CTIF: variants seen among roughly 807,000 people sequenced by gnomAD.
CTIF encodes cap binding complex dependent translation initiation factor.
Under a neutral mutation model 66.0 loss-of-function variants are expected in CTIF, and 21 were observed. That is an observed-to-expected ratio of 0.32 (90% CI 0.23 to 0.46). The LOEUF (loss-of-function observed/expected upper bound fraction) is 0.46. Ranked by LOEUF, CTIF falls within the 20% of genes least tolerant of loss-of-function variation. The pLI, the probability that CTIF is intolerant of heterozygous loss-of-function variation, is 1.00. For missense variants in CTIF, 739 were observed against 812.7 expected, an observed-to-expected ratio of 0.91 and a Z score of 1.10; for synonymous variants, 345 against 326.4, an observed-to-expected ratio of 1.06 and a Z score of -0.62.
At chr18:48,782,207 T>C (rs1911300395) in intron 9 of CTIF, among the ~76,000 whole-genome samples, 2 of 151,718 alleles carry the variant, frequency 1.3e-5, no homozygotes, top group Admixed American at 1.3e-4. Context: ...TGGGGGTGTT[T>C]GGTCATGGGC....
At chr18:48,711,232 A>G (rs2092219718) in intron 6 of CTIF, among the ~76,000 whole-genome samples, 1 of 152,166 alleles carries the variant, frequency 6.6e-6, no homozygotes, top group African/African-American at 2.4e-5. Flanking sequence ...TAGAGAAGTA[A>G]CTTGTCCTGG....
intron 3 of CTIF, among the ~76,000 whole-genome samples, chr18:48,651,257 G>A (rs375185323): frequency 3.9e-5 from 6 of 152,268 alleles, no homozygotes; most frequent in African/African-American, 1.2e-4. Flanking sequence ...CCCATCTCAC[G>A]TGCAGAGACA....
intron 3 of CTIF, among the ~76,000 whole-genome samples, chr18:48,637,172 C>G (rs1024727499): frequency 6.6e-6 from 1 of 152,180 alleles, no homozygotes; most frequent in Admixed American, 6.5e-5. Context: ...TGTCAGAGAC[C>G]TGTCCATCCC....
At chr18:48,623,338 T>TTCAA (rs2090531559) in intron 2 of CTIF, among the ~76,000 whole-genome samples, 1 of 152,176 alleles carries the variant, frequency 6.6e-6, no homozygotes, top group Admixed American at 6.5e-5. Flanking sequence ...GGGAGGATGT[T>TTCAA]TCAATCCTGC....
chr18:48,618,721 A>T (rs2090439925), intron 1 of CTIF, among the ~76,000 whole-genome samples: 1 of 152,202 alleles, frequency 6.6e-6, no homozygotes, highest in African/African-American at 2.4e-5. Flanking sequence ...TCAGCTCCAG[A>T]GATTGCAGTT....
intron 6 of CTIF, among the ~76,000 whole-genome samples, chr18:48,696,136 A>G (rs1336703613): frequency 6.6e-6 from 1 of 152,244 alleles, no homozygotes; most frequent in Non-Finnish European, 1.5e-5. Flanking sequence ...AGCATCTGCA[A>G]CGTGTAAGAT....
At chr18:48,759,314 G>A (rs1159548037) in intron 8 of CTIF, among the ~76,000 whole-genome samples, 1 of 152,132 alleles carries the variant, frequency 6.6e-6, no homozygotes, top group East Asian at 1.9e-4. Flanking sequence ...GGCTTCCGCA[G>A]AGCTCCATGT....
intron 10 of CTIF, among the ~76,000 whole-genome samples, chr18:48,835,926 G>A (rs1024548229): frequency 1.3e-5 from 2 of 151,968 alleles, no homozygotes; most frequent in African/African-American, 4.8e-5. Flanking sequence ...CATCCAAAGG[G>A]GGCTCCCTCC....
chr18:48,660,966 C>T (rs1490661044), intron 3 of CTIF, among the ~76,000 whole-genome samples: 1 of 152,198 alleles, frequency 6.6e-6, no homozygotes, highest in African/African-American at 2.4e-5. Flanking sequence ...GATCCTAGGA[C>T]GGTAAATCAT....
intron 9 of CTIF, among the ~76,000 whole-genome samples, chr18:48,784,048 T>A (rs528061784): frequency 6.6e-6 from 1 of 152,220 alleles, no homozygotes; most frequent in Non-Finnish European, 1.5e-5. Flanking sequence ...GCTGAGCATG[T>A]GCTGTGTTCC....
At chr18:48,565,327 G>C (rs1270726554) in intron 1 of CTIF, 1 of 152,124 alleles carries the variant, frequency 6.6e-6, no homozygotes, top group Non-Finnish European at 1.5e-5. Context: ...CCTTCTACAG[G>C]AAACAGCTGA....
chr18:48,670,837 G>T, intron 6 of CTIF, 93 bp downstream of exon 6: 1 of 1,106,694 alleles, frequency 9.0e-7, no homozygotes, highest in Admixed American at 1.8e-5. Context: ...CACTCCTTCT[G>T]GCTGCTTGTT....
intron 1 of CTIF, among the ~76,000 whole-genome samples, chr18:48,560,290 G>C (rs1201272698): frequency 2.0e-5 from 3 of 147,428 alleles, no homozygotes; most frequent in Non-Finnish European, 4.5e-5. Flanking sequence ...GAAGTGGTGT[G>C]ATCTCGGCTC....
chr18:48,759,202 G>A (rs983643671), intron 8 of CTIF, among the ~76,000 whole-genome samples: 3 of 152,194 alleles, frequency 2.0e-5, no homozygotes, highest in African/African-American at 7.2e-5. Flanking sequence ...GCCCAGCAGG[G>A]GCACAGGAAA....
intron 8 of CTIF, among the ~76,000 whole-genome samples, chr18:48,759,924 C>T (rs1908794868): frequency 6.6e-6 from 1 of 152,162 alleles, no homozygotes; most frequent in African/African-American, 2.4e-5. Flanking sequence ...TGGGTCACTC[C>T]CCACTCTGCT....
At chr18:48,587,195 C>T (rs1454985790) in intron 1 of CTIF, among the ~76,000 whole-genome samples, 2 of 151,822 alleles carry the variant, frequency 1.3e-5, no homozygotes, top group Non-Finnish European at 2.9e-5. Context: ...GATTCTCCTG[C>T]CTCAGCCTCC....
chr18:48,807,353 G>A (rs62103295), intron 9 of CTIF, among the ~76,000 whole-genome samples: 21,705 of 152,014 alleles, frequency 0.14, 1,914 homozygotes, highest in African/African-American at 0.25. Flanking sequence ...CATTCACAGA[G>A]AATCAGAAAT....
chr18:48,708,465 C>T (rs2092186539), intron 6 of CTIF, among the ~76,000 whole-genome samples: 1 of 152,178 alleles, frequency 6.6e-6, no homozygotes, highest in African/African-American at 2.4e-5. Flanking sequence ...ACAGTGCCCC[C>T]CATTGCATGC....
chr18:48,697,289 A>G (rs2092021472), intron 6 of CTIF, among the ~76,000 whole-genome samples: 2 of 152,210 alleles, frequency 1.3e-5, no homozygotes, highest in South Asian at 4.1e-4. Flanking sequence ...AGCTCCTGAA[A>G]GTTTGTAGCT....
Sources: gnomAD v4.1 joint callset for allele counts (sites outside exome capture counted in the v4.1 genomes callset) on GRCh38, gnomAD v4.1.1 for gene constraint, MANE v1.5 for transcripts, NCBI Gene and HGNC (gene_info 2026-07-23, HGNC 2026-07-21) for gene names.